The following CMC1 variants were observed in gnomAD, a reference collection of about 807,000 sequenced individuals.
CMC1 encodes the protein COX assembly mitochondrial protein homolog.
In CMC1, 14 loss-of-function variants were observed where a neutral mutation model predicts 14.1. The ratio of observed to expected loss-of-function variants is 0.99; its 90% CI spans 0.66 to 1.55. The LOEUF (loss-of-function observed/expected upper bound fraction) is 1.55. Ranked by LOEUF, CMC1 falls within the 40% of genes most tolerant of loss-of-function variation. The pLI is 0.00. For synonymous variants in CMC1, 50 were observed against 38.4 expected (o/e 1.30, Z -1.12); for missense variants, 127 against 123.8 (o/e 1.03, Z -0.12).
Position 28,241,742 on chromosome 3 carries a change from T to A in CMC1, c.-52T>A, listed in dbSNP as rs977545553. 21 of 1,241,508 alleles carry A rather than the reference T, an allele frequency of 1.7e-5. No homozygotes were observed. In the South Asian group the frequency reaches 4.9e-4, roughly 29 times the overall value. The allele number at this position is 1,241,508 out of a possible 1,614,324, so 76.9% of individuals were successfully genotyped here. Reference sequence around the variant, plus strand: ...CCAAGCCCCTCCCCTCCACTCCCCTTCCTGCGTGCCCCGGAGCCGCCAAGC... The same window carrying A: ...CCAAGCCCCTCCCCTCCACTCCCCTACCTGCGTGCCCCGGAGCCGCCAAGC... On this transcript the variant is annotated 5_prime_UTR_variant, in exon 1 of 4. Coordinates refer to ENST00000466830, the MANE Select transcript of CMC1 (RefSeq NM_182523.2).
intron 2 of CMC1, among the ~76,000 whole-genome samples, chr3:28,307,323 A>C (rs185200924): frequency 6.6e-6 from 1 of 152,332 alleles, no homozygotes; most frequent in African/African-American, 2.4e-5. Context: ...TAGGAGTTCA[A>C]GACCAGCCTG....
intron 2 of CMC1, among the ~76,000 whole-genome samples, chr3:28,274,002 T>C (rs1386321508): frequency 6.6e-6 from 1 of 152,150 alleles, no homozygotes; most frequent in Non-Finnish European, 1.5e-5. Flanking sequence ...AAAGTGGGTC[T>C]CTTGAATACA....
intron 1 of CMC1, among the ~76,000 whole-genome samples, chr3:28,250,253 C>T (rs182967483): frequency 2.8e-4 from 43 of 152,178 alleles, no homozygotes; most frequent in African/African-American, 9.9e-4. Flanking sequence ...AGCAACAGAA[C>T]GAGTGCAGGC....
intron 2 of CMC1, among the ~76,000 whole-genome samples, chr3:28,264,740 A>G (rs1240443110): frequency 4.6e-5 from 7 of 152,122 alleles, no homozygotes. Context: ...AAAACTTAAA[A>G]ACCCTATAAT....
rs1703234073 is a variant in CMC1, at chr3:28,322,957, T to TA, written c.*3331dup. ...AGTAAATCTCCACCCTGAAAGAACT[T>TA]AAATTTCCATGTGAAGCCATCTTTA... On this transcript the variant is annotated 3_prime_UTR_variant, in exon 4 of 4. Coordinates refer to ENST00000466830, the MANE Select transcript of CMC1 (RefSeq NM_182523.2). 2 of 151,120 alleles carry TA rather than the reference T, an allele frequency of 1.3e-5. No homozygotes were observed. The highest frequency in any genetic ancestry group is 1.3e-4 in the Admixed American group (2 of 15,114). 9.4% of individuals were successfully genotyped at this position (151,120 alleles called of 1,614,324 possible).
intron 2 of CMC1, among the ~76,000 whole-genome samples, chr3:28,290,259 G>T (rs539743905): frequency 7.9e-5 from 12 of 151,934 alleles, no homozygotes; most frequent in African/African-American, 2.7e-4. Flanking sequence ...TTGATCTGTT[G>T]CTTGATTTTA....
intron 2 of CMC1, among the ~76,000 whole-genome samples, chr3:28,302,688 G>A (rs1466457526): frequency 3.3e-5 from 5 of 152,030 alleles, no homozygotes; most frequent in East Asian, 1.9e-4. Context: ...GTATGGAATC[G>A]GAGAGTTGAG....
chr3:28,280,378 CTCATT>C (rs759580028), intron 2 of CMC1, among the ~76,000 whole-genome samples: 20 of 151,996 alleles, frequency 1.3e-4, no homozygotes, highest in Non-Finnish European at 2.6e-4. Flanking sequence ...TATATTAATA[CTCATT>C]TCATTTTAGA....
chr3:28,261,645 G>C (rs796703158), intron 1 of CMC1, among the ~76,000 whole-genome samples: 3 of 152,090 alleles, frequency 2.0e-5, no homozygotes, highest in Non-Finnish European at 2.9e-5. Flanking sequence ...CCCAGATCAG[G>C]CCCCTCTGAC....
intron 2 of CMC1, among the ~76,000 whole-genome samples, chr3:28,275,341 CT>C (rs71087681): frequency 0.17 from 17,400 of 100,332 alleles, 572 homozygotes; most frequent in Non-Finnish European, 0.22. Flanking sequence ...TTTTTTTTTT[CT>C]TTTTTTTTTT....
At chr3:28,247,600 T>G (rs189942655) in intron 1 of CMC1, among the ~76,000 whole-genome samples, 2 of 152,320 alleles carry the variant, frequency 1.3e-5, no homozygotes, top group East Asian at 3.9e-4. Context: ...GCTCCAACAT[T>G]CTCTGCTGCA....
In CMC1 at chr3:28,241,977, A is replaced by G. The variant is rs538851699; in HGVS notation, c.19+165A>G. ...CGGCTGCTTCGCCCGGTCTGAGGTC[A>G]TCTTCTCACTTGTTGGGGATTATGG... is the stretch of plus-strand genomic sequence containing the variant. On this transcript the variant is annotated intron_variant, in intron 1 of 3. Transcript: ENST00000466830. The G allele has an allele frequency of 1.4e-5, 8 of 558,122 alleles. No homozygotes were observed. The South Asian group carries it at 7.8e-4, about 54-fold the overall frequency. 34.6% of individuals were successfully genotyped at this position (558,122 alleles called of 1,614,324 possible). A position where few individuals can be genotyped will look rare whatever the true frequency, so the allele number is the denominator to read the frequency against.
At chr3:28,317,512 G>A (rs1237954566) in intron 3 of CMC1, 1 of 151,872 alleles carries the variant, frequency 6.6e-6, no homozygotes, top group African/African-American at 2.4e-5. Context: ...TTAAACTTTT[G>A]TATGACTGAA....
chr3:28,243,863 T>C (rs1019644785), intron 1 of CMC1, among the ~76,000 whole-genome samples: 3 of 152,040 alleles, frequency 2.0e-5, no homozygotes, highest in African/African-American at 7.2e-5. Flanking sequence ...TTTTTACAGA[T>C]TGTGATAAAC....
chr3:28,314,725 C>T (rs1285808050), intron 2 of CMC1, among the ~76,000 whole-genome samples: 3 of 152,140 alleles, frequency 2.0e-5, no homozygotes, highest in African/African-American at 7.2e-5. Context: ...TGAGTGGATA[C>T]AGGTATCTAT....
At chr3:28,283,568 GAAA>G (rs975246679) in intron 2 of CMC1, among the ~76,000 whole-genome samples, 9 of 119,380 alleles carry the variant, frequency 7.5e-5, no homozygotes, top group Non-Finnish European at 1.5e-4. Context: ...AAAAAAAAAA[GAAA>G]AGAAGAAAGA....
At chr3:28,309,821 C>CCCCACA (rs748593868) in intron 2 of CMC1, among the ~76,000 whole-genome samples, 12 of 131,792 alleles carry the variant, frequency 9.1e-5, no homozygotes, top group South Asian at 2.5e-4. Context: ...CTGATATTTA[C>CCCCACA]CACACACACA....
At chr3:28,273,858 CCTT>C (rs1700423834) in intron 2 of CMC1, among the ~76,000 whole-genome samples, 1 of 151,890 alleles carries the variant, frequency 6.6e-6, no homozygotes. Flanking sequence ...TATGTAATGC[CCTT>C]CTTTGATCTT....
intron 2 of CMC1, among the ~76,000 whole-genome samples, chr3:28,277,957 CAG>C (rs777888597): frequency 8.7e-6 from 1 of 115,270 alleles, no homozygotes; most frequent in Non-Finnish European, 1.8e-5. Context: ...TGAAAAGAGA[CAG>C]GGTCTGATTT....
Sources: gnomAD v4.1 joint callset for allele counts (sites outside exome capture counted in the v4.1 genomes callset) on GRCh38, gnomAD v4.1.1 for gene constraint, MANE v1.5 for transcripts, NCBI Gene and HGNC (gene_info 2026-07-23, HGNC 2026-07-21) for gene names.